The following GRIK2 variants were observed in gnomAD, a reference collection of about 807,000 sequenced individuals.
GRIK2 encodes glutamate receptor ionotropic, kainate 2.
Under a neutral mutation model 100.3 loss-of-function variants are expected in GRIK2, and 32 were observed. The ratio of observed to expected loss-of-function variants is 0.32; its 90% CI spans 0.24 to 0.43. The LOEUF is 0.43. Ranked by LOEUF, GRIK2 falls within the 20% of genes least tolerant of loss-of-function variation. The probability of loss-of-function intolerance (pLI) is 1.00; values close to 1 mark genes in which losing one functional copy is unlikely to be tolerated. For synonymous variants in GRIK2, 417 were observed against 389.4 expected, an observed-to-expected ratio of 1.07 and a Z score of -0.83; for missense variants, 843 against 1,114.9, an observed-to-expected ratio of 0.76 and a Z score of 3.47.
intron 14 of GRIK2, among the ~76,000 whole-genome samples, chr6:101,942,823 G>T (rs1791038319): frequency 6.6e-6 from 1 of 152,156 alleles, no homozygotes; most frequent in East Asian, 1.9e-4. Context: ...TAAAAGTTTG[G>T]ATAATTTTTA....
At chr6:101,786,213 A>C (rs1779412642) in intron 7 of GRIK2, among the ~76,000 whole-genome samples, 1 of 151,750 alleles carries the variant, frequency 6.6e-6, no homozygotes, top group Non-Finnish European at 1.5e-5. Context: ...TGGAGTCTTT[A>C]GGTTTTTTAA....
intron 7 of GRIK2, among the ~76,000 whole-genome samples, chr6:101,770,970 T>A (rs961822849): frequency 6.6e-6 from 1 of 152,280 alleles, no homozygotes; most frequent in African/African-American, 2.4e-5. Flanking sequence ...GAAGATAATA[T>A]ATTCAGTAAA....
Position 101,507,398 on chromosome 6 carries a change from C to T in GRIK2, c.115+108006C>T, listed in dbSNP as rs540784668. The stretch of plus-strand genomic sequence containing the variant: ...TACCCATGATATTATTTTATTCATA[C>T]ATTAGAAATATTTCCTACTATCGAT... On this transcript the variant is annotated intron_variant, in intron 2 of 16. Coordinates refer to ENST00000369134, the MANE Select transcript of GRIK2 (RefSeq NM_021956.5). Among the ~76,000 whole-genome samples, 62 of 152,138 alleles carry T rather than the reference C, an allele frequency of 4.1e-4. 1 individual carries two copies. In the South Asian group the frequency reaches 8.9e-3, roughly 22 times the overall value.
chr6:101,805,008 T>C (rs1780901613), intron 9 of GRIK2, among the ~76,000 whole-genome samples: 1 of 151,974 alleles, frequency 6.6e-6, no homozygotes, highest in African/African-American at 2.4e-5. Flanking sequence ...CTCTGCCCTT[T>C]ACTTTTTGTG....
intron 10 of GRIK2, among the ~76,000 whole-genome samples, chr6:101,836,232 AC>A (rs1202052625): frequency 6.6e-6 from 1 of 151,812 alleles, no homozygotes; most frequent in Non-Finnish European, 1.5e-5. Flanking sequence ...CTAATGATAT[AC>A]TCTTGTGTAT....
chr6:102,018,046 C>G (rs986234713), intron 14 of GRIK2, among the ~76,000 whole-genome samples: 1 of 152,152 alleles, frequency 6.6e-6, no homozygotes, highest in South Asian at 2.1e-4. Context: ...TGTTCAGTCT[C>G]TTCAAACTTG....
intron 2 of GRIK2, among the ~76,000 whole-genome samples, chr6:101,584,858 A>G (rs989786027): frequency 4.6e-5 from 7 of 151,978 alleles, no homozygotes; most frequent in Non-Finnish European, 1.0e-4. Flanking sequence ...CAAAAATGCA[A>G]GATTACAGAA....
intron 2 of GRIK2, among the ~76,000 whole-genome samples, chr6:101,501,516 A>G (rs1012311253): frequency 2.6e-5 from 4 of 152,178 alleles, no homozygotes; most frequent in East Asian, 1.9e-4. Flanking sequence ...TATCCACTCA[A>G]TGGCCACACT....
At chr6:101,837,259 A>G (rs1783188348) in intron 10 of GRIK2, among the ~76,000 whole-genome samples, 1 of 152,142 alleles carries the variant, frequency 6.6e-6, no homozygotes, top group African/African-American at 2.4e-5. Context: ...AAATCTCCCT[A>G]CATGATTCTA....
chr6:101,818,225 C>A (rs1583205422), intron 9 of GRIK2, 145 bp from the exon 10 acceptor site: 1 of 586,092 alleles, frequency 1.7e-6, no homozygotes, highest in East Asian at 2.9e-5. Flanking sequence ...GTGAATCATG[C>A]TTTAAACAAG....
At chr6:101,428,084 A>G (rs1195266494) in intron 2 of GRIK2, among the ~76,000 whole-genome samples, 2 of 152,210 alleles carry the variant, frequency 1.3e-5, no homozygotes, top group African/African-American at 2.4e-5. Flanking sequence ...TGTTTGAATT[A>G]CAAATCCACA....
chr6:101,621,323 C>T (rs1201664586), intron 2 of GRIK2, among the ~76,000 whole-genome samples: 2 of 152,060 alleles, frequency 1.3e-5, no homozygotes, highest in Non-Finnish European at 2.9e-5. Context: ...AATGATGGCA[C>T]ACGCCTGTAG....
In GRIK2 at chr6:102,065,667, T is replaced by G. The variant is rs538662109; in HGVS notation, c.2563-2680T>G. On this transcript the variant is annotated intron_variant, in intron 16 of 16. Transcript: ENST00000369134. ...ATTTTTGAAGATTTGGGAAATTTAT[T>G]GGTTTTAAATGAAGGTTTATTTCAA... 9.6e-6 allele frequency: 5 copies of G among 523,080 alleles called. No homozygotes were observed. The African/African-American group carries it at 1.0e-4, about 11-fold the overall frequency. 32.4% of individuals were successfully genotyped at this position (523,080 alleles called of 1,614,324 possible).
chr6:101,498,530 T>C (rs1773573073), intron 2 of GRIK2, among the ~76,000 whole-genome samples: 2 of 150,204 alleles, frequency 1.3e-5, no homozygotes, highest in Non-Finnish European at 3.0e-5. Context: ...CCAGCACCTG[T>C]TGTTTCCTGA....
At chr6:101,817,455 G>A (rs775134132) in intron 9 of GRIK2, among the ~76,000 whole-genome samples, 1 of 152,116 alleles carries the variant, frequency 6.6e-6, no homozygotes, top group Admixed American at 6.5e-5. Context: ...GACAAATTTT[G>A]TTATTGATTA....
In GRIK2 at chr6:101,450,419, G is replaced by C. The variant is rs1239710660; in HGVS notation, c.115+51027G>C. 2.0e-5 allele frequency among the ~76,000 whole-genome samples: 3 copies of C among 151,622 alleles called. No homozygotes were observed. The East Asian group carries it at 5.8e-4, about 29-fold the overall frequency. ...AAGTTATTGAATCTTTGGAGTTTAAGAAATATGGCAGATTGAAAGTCACTG... is the reference window on the plus strand; with the variant it reads ...AAGTTATTGAATCTTTGGAGTTTAACAAATATGGCAGATTGAAAGTCACTG... On this transcript the variant is annotated intron_variant, in intron 2 of 16. Transcript: ENST00000369134.
chr6:101,610,742 C>T (rs1226080388), intron 2 of GRIK2, among the ~76,000 whole-genome samples: 1 of 151,790 alleles, frequency 6.6e-6, no homozygotes, highest in Non-Finnish European at 1.5e-5. Flanking sequence ...GCTTGCTCAT[C>T]CAGTCACTTT....
At chr6:101,569,115 A>G (rs1343807698) in intron 2 of GRIK2, among the ~76,000 whole-genome samples, 2 of 152,038 alleles carry the variant, frequency 1.3e-5, no homozygotes, top group African/African-American at 4.8e-5. Flanking sequence ...AGACACATAC[A>G]TTCTGTACAA....
chr6:101,883,657 T>G (rs1245852436), intron 11 of GRIK2, among the ~76,000 whole-genome samples: 2 of 152,016 alleles, frequency 1.3e-5, no homozygotes, highest in African/African-American at 4.8e-5. Flanking sequence ...GAAACCCCAT[T>G]GCGAAAGTGA....
Sources: gnomAD v4.1 joint callset for allele counts (sites outside exome capture counted in the v4.1 genomes callset) on GRCh38, gnomAD v4.1.1 for gene constraint, MANE v1.5 for transcripts, NCBI Gene and HGNC (gene_info 2026-07-23, HGNC 2026-07-21) for gene names.